TEX14: variants seen among roughly 807,000 people sequenced by gnomAD.
The protein encoded by TEX14 is inactive serine/threonine-protein kinase TEX14.
Under a neutral mutation model 178.6 loss-of-function variants are expected in TEX14, and 168 were observed. That is an observed-to-expected ratio of 0.94 (90% CI 0.83 to 1.07). The LOEUF is 1.07. TEX14 is among the 50% of genes least tolerant of loss of function. TEX14 has a pLI of 0.00. For missense variants in TEX14, 1,730 were observed against 1,753.6 expected (o/e 0.99, Z 0.24); for synonymous variants, 626 against 634.1 (o/e 0.99, Z 0.19).
chr17:58,570,505 T>G, intron 24 of TEX14, 21 bp from the exon 25 acceptor site: 1 of 1,495,638 alleles, frequency 6.7e-7, no homozygotes, highest in South Asian at 1.4e-5. Flanking sequence ...GAGATAAACA[T>G]GGTAACTGTC....
chr17:58,573,442 CT>C, intron 22 of TEX14, 134 bp from the exon 23 acceptor site: 1 of 719,556 alleles, frequency 1.4e-6, no homozygotes, highest in Non-Finnish European at 2.3e-6. Flanking sequence ...TAGAGAATAT[CT>C]TAGAACATCT....
At chr17:58,689,820 A>G (rs2047661679) in intron 1 of TEX14, among the ~76,000 whole-genome samples, 1 of 152,042 alleles carries the variant, frequency 6.6e-6, no homozygotes, top group Admixed American at 6.6e-5. Context: ...GATGATGAAA[A>G]TAATTATTAT....
rs1291238839 is a variant in TEX14 at position 58,573,206 on chromosome 17, G to A, written c.3486C>T (p.Thr1162=). Residue 1162 remains threonine, a synonymous_variant, in exon 23 of 32, where the codon ACC becomes ACT. Transcript: ENST00000349033. ...CKTPKINHAP[T]SVSTPLSPGS... ...CTGGGCTGAGTGGAGTGCTGACACTGGTAGGTGCATGGTTTATTTTGGGTG... is the reference window on the plus strand; with the variant it reads ...CTGGGCTGAGTGGAGTGCTGACACTAGTAGGTGCATGGTTTATTTTGGGTG... The A allele has an allele frequency of 2.5e-6, 4 of 1,614,012 alleles. No individual in the cohort carries two copies. The African/African-American group carries it at 4.0e-5, about 16-fold the overall frequency.
At chr17:58,682,857 T>C (rs554304794) in intron 1 of TEX14, among the ~76,000 whole-genome samples, 87 of 152,236 alleles carry the variant, frequency 5.7e-4, no homozygotes, top group Admixed American at 3.3e-3. Context: ...AAAATGTTAC[T>C]GTTATAATCC....
At chr17:58,640,163 T>G (rs1362967497) in intron 2 of TEX14, among the ~76,000 whole-genome samples, 1 of 151,910 alleles carries the variant, frequency 6.6e-6, no homozygotes, top group African/African-American at 2.4e-5. Flanking sequence ...ATACAAAAAT[T>G]AGCCAGGTGT....
At position 58,605,129 on chromosome 17, in the gene TEX14, G is replaced by A. The variant is rs747905225; in HGVS notation, c.1185C>T (p.Ser395=). Residue 395 remains serine, a splice_region_variant and synonymous_variant, in exon 11 of 32, where the codon AGC becomes AGT. Transcript: ENST00000349033. The part of the protein sequence containing the change: ...RLTNLEYMLE[S]EDRGVQRDLT... ...GGTCCCTCTGTACACCTCTGTCCTC[G>A]CTACGGAAGGAAACTCACAAGTCAG... is the stretch of plus-strand genomic sequence containing the variant. 7.6e-5 allele frequency: 122 copies of A among 1,613,512 alleles called. No homozygotes were observed. Among genetic ancestry groups the A allele is most frequent in the Admixed American group, 1.7e-4 (10 of 59,926 alleles).
At chr17:58,603,889 G>C (rs1349126062) in intron 11 of TEX14, among the ~76,000 whole-genome samples, 27 of 13,882 alleles carry the variant, frequency 1.9e-3, no homozygotes, top group African/African-American at 3.6e-3. Context: ...TGATTTTACT[G>C]TGTGTGTGTG....
chr17:58,613,444 A>G lies in TEX14; in HGVS notation c.982T>C (p.Leu328=). 2 of 1,614,150 alleles carry G rather than the reference A, an allele frequency of 1.2e-6. No individual in the cohort carries two copies. The highest frequency in any genetic ancestry group is 1.6e-4 in the Middle Eastern group (1 of 6,062). The change falls in exon 9 of 32, where the codon TTG becomes CTG. Residue 328 remains leucine, a synonymous_variant. Transcript: ENST00000349033. ...LVYERITIGT[L]FSVLHERRSQ... is the part of the protein sequence containing the mutation. ...ACTCGTTCATGAAGGACACTGAACA[A>G]TGTGCCGATAGTGATGCGCTCGTAC...
intron 18 of TEX14, among the ~76,000 whole-genome samples, 191 bp downstream of exon 18, chr17:58,585,610 G>GTTTTTT (rs879707841): frequency 3.6e-5 from 3 of 83,054 alleles, no homozygotes; most frequent in African/African-American, 5.0e-5. Context: ...CCCAGCTAAT[G>GTTTTTT]TTTTTTTTTT....
intron 1 of TEX14, chr17:58,660,534 G>T (rs372009281): frequency 1.3e-6 from 1 of 741,030 alleles, no homozygotes; most frequent in African/African-American, 1.7e-5. Context: ...TTTCCTTGGC[G>T]GGGAAGGTGT....
rs2044385580 is a variant in TEX14 at position 58,565,806 on chromosome 17, TG to T, written c.3904del (p.Gln1302ArgfsTer25). 6.2e-7 allele frequency: 1 copy of T among 1,607,704 alleles called. No individual in the cohort carries two copies. The highest frequency in any genetic ancestry group is 1.3e-5 in the African/African-American group (1 of 75,006). ...LDDIELLKQQ[Q>X]GSSTVLHENT... ...CTCATGCAACACCGTGGATGAGCCC[TG>T]CTGCTGTTTCAAGAGCTCTGTCACA... On this transcript the variant is annotated frameshift_variant, in exon 27 of 32. Coordinates refer to ENST00000349033, the MANE Select transcript of TEX14 (RefSeq NM_031272.5). LOFTEE classifies it high-confidence loss of function.
intron 14 of TEX14, among the ~76,000 whole-genome samples, chr17:58,597,506 G>A (rs566499966): frequency 6.6e-6 from 1 of 152,124 alleles, no homozygotes; most frequent in Non-Finnish European, 1.5e-5. Flanking sequence ...TTATCACCAT[G>A]GGCCAGCTAT....
At chr17:58,635,106 C>T (rs965001234) in intron 2 of TEX14, among the ~76,000 whole-genome samples, 10 of 149,240 alleles carry the variant, frequency 6.7e-5, no homozygotes, top group Non-Finnish European at 1.0e-4. Context: ...CACTCCAGCC[C>T]GGGTTGACAA....
At chr17:58,557,972 A>G in intron 30 of TEX14, 122 bp from the exon 31 acceptor site, 1 of 661,288 alleles carries the variant, frequency 1.5e-6, no homozygotes, top group Admixed American at 2.6e-5. Context: ...AATGGTTGTT[A>G]TATTCTGCCA....
At chr17:58,563,072 C>CAA (rs5821239) in intron 28 of TEX14, among the ~76,000 whole-genome samples, 1 of 145,488 alleles carries the variant, frequency 6.9e-6, no homozygotes, top group Non-Finnish European at 1.5e-5. Context: ...GACTCTGTCT[C>CAA]AAAAAAAAAA....
intron 5 of TEX14, among the ~76,000 whole-genome samples, chr17:58,618,813 A>C (rs2144537778): frequency 6.6e-6 from 1 of 152,228 alleles, no homozygotes; most frequent in East Asian, 1.9e-4. Flanking sequence ...CTGCTATGCT[A>C]TTGAGGAGAA....
intron 1 of TEX14, among the ~76,000 whole-genome samples, chr17:58,689,096 A>G (rs935505296): frequency 6.6e-6 from 1 of 151,638 alleles, no homozygotes; most frequent in Non-Finnish European, 1.5e-5. Flanking sequence ...ACACCCGGCT[A>G]ATTTTTTGTA....
chr17:58,616,139 CT>C, intron 7 of TEX14, 35 bp downstream of exon 7: 1 of 1,589,804 alleles, frequency 6.3e-7, no homozygotes. Context: ...TCCCCTGAAA[CT>C]GAATCAGACC....
At chr17:58,660,476 C>T (rs375380030) in intron 1 of TEX14, 3 of 606,416 alleles carry the variant, frequency 4.9e-6, no homozygotes, top group South Asian at 2.5e-5. Flanking sequence ...TCTTTGCCTT[C>T]GTTTTACACA....
Sources: allele counts gnomAD v4.1 joint callset (sites outside exome capture counted in the v4.1 genomes callset), GRCh38; gene constraint gnomAD v4.1.1; transcripts MANE v1.5; gene names NCBI Gene and HGNC (gene_info 2026-07-23, HGNC 2026-07-21).